PRORP: variants seen among roughly 807,000 people sequenced by gnomAD.
PRORP encodes protein only RNase P catalytic subunit, also known as mitochondrial ribonuclease P catalytic subunit.
In PRORP, 51 loss-of-function variants were observed where a neutral mutation model predicts 59.4. The observed-to-expected ratio is 0.86, with a 90% confidence interval of 0.69 to 1.08. The LOEUF is 1.08. Ranked by LOEUF, PRORP falls within the 50% of genes least tolerant of loss-of-function variation. The pLI is 0.00. For synonymous variants in PRORP, 231 were observed against 245.6 expected (o/e 0.94, Z 0.55); for missense variants, 646 against 690.3 (o/e 0.94, Z 0.72).
rs143879049 is a variant in PRORP at position 35,138,355 on chromosome 14, G to A, written c.1167+10744G>A. On this transcript the variant is annotated intron_variant, in intron 4 of 7. Coordinates refer to ENST00000534898, the MANE Select transcript of PRORP (RefSeq NM_014672.4). ...TTGGTGAGTGGACACAAGTCAGTCC[G>A]TAATACCGTTCATTGTAAATATGCG... Among the ~76,000 whole-genome samples the A allele has an allele frequency of 7.4e-3, 1,082 of 145,808 alleles. 54 individuals are homozygous for A. The highest frequency in any genetic ancestry group is 0.025 in the African/African-American group (1,024 of 41,152).
intron 5 of PRORP, among the ~76,000 whole-genome samples, chr14:35,205,581 C>G (rs1321171178): frequency 1.3e-5 from 2 of 152,148 alleles, no homozygotes; most frequent in Non-Finnish European, 2.9e-5. Flanking sequence ...CTTGGCCTTC[C>G]ATAGTGTTGA....
chr14:35,182,647 C>G (rs1260024528), intron 5 of PRORP, among the ~76,000 whole-genome samples: 2 of 151,612 alleles, frequency 1.3e-5, no homozygotes, highest in Non-Finnish European at 2.9e-5. Context: ...TCCTCGAAAA[C>G]AAAAAAGAAA....
chr14:35,190,804 A>T (rs2048864467), intron 5 of PRORP, among the ~76,000 whole-genome samples: 1 of 152,128 alleles, frequency 6.6e-6, no homozygotes, highest in Non-Finnish European at 1.5e-5. Context: ...CACCCGGCTG[A>T]CTGTATTTAA....
At position 35,275,048 on chromosome 14, in the gene PRORP, G is replaced by C. The variant is rs1247012423; in HGVS notation, c.*1482G>C. The C allele has an allele frequency of 1.3e-5, 2 of 152,024 alleles. No homozygotes were observed. The highest frequency in any genetic ancestry group is 2.9e-5 in the Non-Finnish European group (2 of 67,998). 9.4% of individuals were successfully genotyped at this position (152,024 alleles called of 1,614,324 possible). A position where few individuals can be genotyped will look rare whatever the true frequency, so the allele number is the denominator to read the frequency against. On this transcript the variant is annotated 3_prime_UTR_variant, in exon 8 of 8. Transcript: ENST00000534898. Reference sequence around the variant, plus strand: ...AACTACTCTATTGTGATAAAAATCAGAATAGTAATTGCCTGAGGAAAGGGA... The same window carrying C: ...AACTACTCTATTGTGATAAAAATCACAATAGTAATTGCCTGAGGAAAGGGA...
intron 5 of PRORP, among the ~76,000 whole-genome samples, chr14:35,232,753 A>G (rs1163606410): frequency 1.3e-5 from 2 of 151,560 alleles, no homozygotes; most frequent in Non-Finnish European, 2.9e-5. Flanking sequence ...GCTCACTGCA[A>G]CCTCCACCTC....
intron 4 of PRORP, among the ~76,000 whole-genome samples, chr14:35,159,381 T>G (rs988740649): frequency 1.3e-5 from 2 of 152,204 alleles, no homozygotes; most frequent in Non-Finnish European, 2.9e-5. Flanking sequence ...ACTATCTCAG[T>G]CCCTTTTCTG....
chr14:35,158,131 G>A (rs1451202741), intron 4 of PRORP: 4 of 276,704 alleles, frequency 1.4e-5, no homozygotes, highest in African/African-American at 6.8e-5. Flanking sequence ...TCAAACACCT[G>A]CTCCATTTCC....
intron 4 of PRORP, among the ~76,000 whole-genome samples, chr14:35,159,646 T>A (rs1050540223): frequency 3.9e-5 from 6 of 152,238 alleles, no homozygotes; most frequent in Non-Finnish European, 8.8e-5. Flanking sequence ...CAGTTATTTA[T>A]ACATTAAATA....
rs141458977 is a variant in PRORP at position 35,237,859 on chromosome 14, T to C, written c.1276-28868T>C. The stretch of plus-strand genomic sequence containing the variant: ...CTAGTAGAGACGGGGTTTCACTGTG[T>C]TAGCCAGGATGGTCTTGATCTCCTG... On this transcript the variant is annotated intron_variant, in intron 5 of 7. Coordinates refer to ENST00000534898, the MANE Select transcript of PRORP (RefSeq NM_014672.4). Among the ~76,000 whole-genome samples the C allele has an allele frequency of 2.9e-3, 448 of 152,056 alleles. 4 individuals are homozygous for C. The highest frequency in any genetic ancestry group is 9.3e-3 in the African/African-American group (384 of 41,478).
chr14:35,181,014 A>G (rs1255056783), intron 5 of PRORP, among the ~76,000 whole-genome samples: 2 of 152,172 alleles, frequency 1.3e-5, no homozygotes, highest in Non-Finnish European at 2.9e-5. Context: ...AAAGATTGCA[A>G]TACAGGGCCA....
chr14:35,133,300 T>C (rs1328521963), intron 4 of PRORP, among the ~76,000 whole-genome samples: 2 of 152,226 alleles, frequency 1.3e-5, no homozygotes, highest in African/African-American at 2.4e-5. Flanking sequence ...AGGACTCTGA[T>C]GCATTCTTCA....
chr14:35,210,254 A>C (rs2049404311), intron 5 of PRORP, among the ~76,000 whole-genome samples: 1 of 152,178 alleles, frequency 6.6e-6, no homozygotes, highest in Admixed American at 6.5e-5. Context: ...CTACCTATAA[A>C]GTGCAAACTC....
chr14:35,267,423 C>T (rs529709484), intron 6 of PRORP, among the ~76,000 whole-genome samples: 12 of 151,954 alleles, frequency 7.9e-5, no homozygotes, highest in African/African-American at 2.7e-4. Flanking sequence ...GGGGCAGATT[C>T]GATGAGGAGT....
intron 4 of PRORP, among the ~76,000 whole-genome samples, chr14:35,147,427 C>T (rs2047638855): frequency 6.6e-6 from 1 of 152,186 alleles, no homozygotes; most frequent in South Asian, 2.1e-4. Flanking sequence ...ACTGTAGCCT[C>T]CACTTCTCAG....
intron 4 of PRORP, among the ~76,000 whole-genome samples, chr14:35,167,691 A>G (rs1213587546): frequency 6.6e-6 from 1 of 152,132 alleles, no homozygotes; most frequent in African/African-American, 2.4e-5. Context: ...TGGATTTTTT[A>G]TTTTTGTTCG....
At chr14:35,260,377 A>G (rs189237364) in intron 5 of PRORP, among the ~76,000 whole-genome samples, 196 of 152,348 alleles carry the variant, frequency 1.3e-3, no homozygotes, top group African/African-American at 3.7e-3. Context: ...AGTCTTGATA[A>G]TACTATCTAA....
chr14:35,158,003 ATGT>A (rs1595209474), intron 4 of PRORP: 1 of 219,208 alleles, frequency 4.6e-6, no homozygotes, highest in Non-Finnish European at 9.6e-6. Context: ...CCTCAAACTG[ATGT>A]TGTTTCTTCT....
rs1024179771 is a variant in PRORP at position 35,274,203 on chromosome 14, A to G, written c.*637A>G. On this transcript the variant is annotated 3_prime_UTR_variant, in exon 8 of 8. Transcript: ENST00000534898. ...TACTCTGTCGCCAGGGCTGGAGTGC[A>G]GTGACGTGATCACAGTTCACTGCAG... The G allele has an allele frequency of 6.6e-6, 1 of 152,120 alleles. No individual in the cohort carries two copies. Among genetic ancestry groups the G allele is most frequent in the Admixed American group, 6.6e-5 (1 of 15,256 alleles). The allele number at this position is 152,120 out of a possible 1,614,324, so 9.4% of individuals were successfully genotyped here.
At chr14:35,208,905 C>G (rs1566498260) in intron 5 of PRORP, among the ~76,000 whole-genome samples, 1 of 152,018 alleles carries the variant, frequency 6.6e-6, no homozygotes, top group Non-Finnish European at 1.5e-5. Context: ...AGCTACTCAG[C>G]AGTCTGAGGC....
Sources: allele counts gnomAD v4.1 joint callset (sites outside exome capture counted in the v4.1 genomes callset), GRCh38; gene constraint gnomAD v4.1.1; transcripts MANE v1.5; gene names NCBI Gene and HGNC (gene_info 2026-07-23, HGNC 2026-07-21).